The following PCOLCE2 variants were observed in gnomAD, a reference collection of about 807,000 sequenced individuals.
PCOLCE2 encodes procollagen C-proteinase enhancer 2.
PCOLCE2 carries 42 observed loss-of-function variants against 47.0 expected under a neutral mutation model. The ratio of observed to expected loss-of-function variants is 0.89; its 90% CI spans 0.70 to 1.16. The LOEUF (loss-of-function observed/expected upper bound fraction) is 1.16. Ranked by LOEUF, PCOLCE2 falls within the 50% of genes most tolerant of loss-of-function variation. The pLI is 0.00. For missense variants in PCOLCE2, 500 were observed against 526.1 expected (o/e 0.95, Z 0.49); for synonymous variants, 169 against 191.7 (o/e 0.88, Z 0.98).
At chr3:142,872,130 T>C (rs879441404) in intron 2 of PCOLCE2, among the ~76,000 whole-genome samples, 2 of 152,180 alleles carry the variant, frequency 1.3e-5, no homozygotes, top group Non-Finnish European at 2.9e-5. Context: ...TCTCTTTCTC[T>C]GTGAGGTCAC....
rs1937275604 is a variant in PCOLCE2 at position 142,842,557 on chromosome 3, G to A, written c.573+367C>T. On this transcript the variant is annotated intron_variant, in intron 4 of 8. Coordinates refer to ENST00000295992, the MANE Select transcript of PCOLCE2 (RefSeq NM_013363.4). The surrounding 1 kb of genome is among the most constrained non-coding windows in gnomAD (Gnocchi z 4.1). ...GTTTGAGACCAGCCTGACCAACATGGAGAAACTCTGTCTCTACTAAAAAAA... is the reference window on the plus strand; with the variant it reads ...GTTTGAGACCAGCCTGACCAACATGAAGAAACTCTGTCTCTACTAAAAAAA... Among the ~76,000 whole-genome samples, 2 of 152,000 alleles carry A rather than the reference G, an allele frequency of 1.3e-5. No homozygotes were observed. Among genetic ancestry groups the A allele is most frequent in the South Asian group, 4.2e-4 (2 of 4,812 alleles).
At chr3:142,840,160 C>T (rs1937250642) in intron 4 of PCOLCE2, among the ~76,000 whole-genome samples, 1 of 152,152 alleles carries the variant, frequency 6.6e-6, no homozygotes, top group African/African-American at 2.4e-5. Flanking sequence ...CGTGCACGGC[C>T]TAATCAGGGT....
At chr3:142,854,244 C>T (rs1403016823) in intron 2 of PCOLCE2, among the ~76,000 whole-genome samples, 4 of 152,056 alleles carry the variant, frequency 2.6e-5, no homozygotes, top group Non-Finnish European at 2.9e-5. Flanking sequence ...TAATCTTCTA[C>T]GATTTCCCTC....
At chr3:142,819,752 C>T (rs905172191) in intron 8 of PCOLCE2, among the ~76,000 whole-genome samples, 9 of 152,082 alleles carry the variant, frequency 5.9e-5, no homozygotes, top group Non-Finnish European at 7.4e-5. Context: ...TTCAAGGCAT[C>T]CTCTTGCTTC....
In PCOLCE2 at chr3:142,827,455, G is replaced by A. The variant is rs181429826; in HGVS notation, c.865+2237C>T. On this transcript the variant is annotated intron_variant, in intron 6 of 8. Transcript: ENST00000295992. Reference sequence around the variant, plus strand: ...GGGTCTTCTTGGTCTCAGGGTTGTGGGAGATAGCAGTGGCATAGTTCCCTG... The same window carrying A: ...GGGTCTTCTTGGTCTCAGGGTTGTGAGAGATAGCAGTGGCATAGTTCCCTG... 27 of 1,550,670 alleles carry A rather than the reference G, an allele frequency of 1.7e-5. No homozygotes were observed. The Admixed American group carries it at 4.4e-4, about 25-fold the overall frequency.
At chr3:142,827,432 G>T in intron 6 of PCOLCE2, 1 of 1,561,010 alleles carries the variant, frequency 6.4e-7, no homozygotes, top group Non-Finnish European at 8.8e-7. Flanking sequence ...CTTCACACGG[G>T]TCTTCTTGGT....
At chr3:142,819,831 G>A (rs1017294903) in intron 8 of PCOLCE2, among the ~76,000 whole-genome samples, 2 of 152,064 alleles carry the variant, frequency 1.3e-5, no homozygotes, top group East Asian at 1.9e-4. Flanking sequence ...ATTTTTAGTA[G>A]AGCAGAGGTC....
At chr3:142,858,222 G>A (rs1439068994) in intron 2 of PCOLCE2, among the ~76,000 whole-genome samples, 3 of 152,170 alleles carry the variant, frequency 2.0e-5, no homozygotes, top group Non-Finnish European at 4.4e-5. Flanking sequence ...TGTCTGCAGT[G>A]TGCACCTGGC....
At chr3:142,853,895 C>T (rs1352879280) in intron 2 of PCOLCE2, among the ~76,000 whole-genome samples, 1 of 152,164 alleles carries the variant, frequency 6.6e-6, no homozygotes, top group Non-Finnish European at 1.5e-5. Flanking sequence ...AGCAAAGTCC[C>T]GTGTGGGCCA....
At chr3:142,838,960 C>T in intron 4 of PCOLCE2, 54 bp from the exon 5 acceptor site, 2 of 1,391,058 alleles carry the variant, frequency 1.4e-6, no homozygotes, top group Middle Eastern at 1.8e-4. Context: ...GTTGAATAAC[C>T]TCAAATGGAA....
chr3:142,871,046 C>T (rs981085885), intron 2 of PCOLCE2, among the ~76,000 whole-genome samples: 9 of 152,202 alleles, frequency 5.9e-5, no homozygotes, highest in Non-Finnish European at 1.2e-4. Context: ...CCCTGGCCTC[C>T]GCTGCCAAAG....
intron 7 of PCOLCE2, 51 bp from the exon 8 acceptor site, chr3:142,821,096 C>G: frequency 1.4e-6 from 2 of 1,408,230 alleles, no homozygotes; most frequent in Non-Finnish European, 2.0e-6. Context: ...CAAATGCAAG[C>G]AGAACTGAAA....
At chr3:142,848,532 T>C (rs923849800) in intron 2 of PCOLCE2, 60 bp from the exon 3 acceptor site, 4 of 1,385,800 alleles carry the variant, frequency 2.9e-6, no homozygotes, top group Non-Finnish European at 4.0e-6. Flanking sequence ...GGCTTTGACA[T>C]CTAGTCACTT....
chr3:142,828,391 T>C (rs140106401), intron 6 of PCOLCE2, among the ~76,000 whole-genome samples: 131 of 152,322 alleles, frequency 8.6e-4, no homozygotes, highest in African/African-American at 3.1e-3. Context: ...AAAAGTTCAG[T>C]TCCTCAATAT....
intron 2 of PCOLCE2, among the ~76,000 whole-genome samples, chr3:142,871,975 C>T (rs1933397644): frequency 6.6e-6 from 1 of 152,166 alleles, no homozygotes; most frequent in Admixed American, 6.5e-5. Flanking sequence ...GATCCACTCT[C>T]CTCCCATCTT....
At chr3:142,823,670 C>A (rs751928511) in intron 6 of PCOLCE2, 55 bp from the exon 7 acceptor site, 13 of 994,756 alleles carry the variant, frequency 1.3e-5, no homozygotes, top group Admixed American at 1.9e-5. Flanking sequence ...CATAATTGGT[C>A]TTTAGTTCTG....
intron 2 of PCOLCE2, among the ~76,000 whole-genome samples, chr3:142,878,605 A>C (rs553057284): frequency 4.6e-5 from 7 of 152,304 alleles, no homozygotes; most frequent in Admixed American, 3.9e-4. Context: ...GTGGGAAAAG[A>C]AATCCCACTT....
Position 142,889,012 on chromosome 3 carries a change from G to GCTGGCTCACACCA in PCOLCE2, c.-117_-116insTGGTGTGAGCCAG. 1 of 447,924 alleles carries GCTGGCTCACACCA rather than the reference G, an allele frequency of 2.2e-6. No individual in the cohort carries two copies. 27.7% of individuals were successfully genotyped at this position (447,924 alleles called of 1,614,324 possible). On this transcript the variant is annotated 5_prime_UTR_variant, in exon 1 of 9. Coordinates refer to ENST00000295992, the MANE Select transcript of PCOLCE2 (RefSeq NM_013363.4). ...ACTGGCAGCAGCGCTGGCTCACACC[G>GCTGGCTCACACCA]GCGCTCGGCTGCCCGCGCGCTCCCT...
At chr3:142,857,494 C>T (rs1313404432) in intron 2 of PCOLCE2, among the ~76,000 whole-genome samples, 1 of 152,164 alleles carries the variant, frequency 6.6e-6, no homozygotes, top group Non-Finnish European at 1.5e-5. Context: ...CTACCAAGCC[C>T]ATCCTAGATT....
Sources: gnomAD v4.1 joint callset for allele counts (sites outside exome capture counted in the v4.1 genomes callset) on GRCh38, gnomAD v4.1.1 for gene constraint, Gnocchi (gnomAD v3.1) non-coding constraint, MANE v1.5 for transcripts, NCBI Gene and HGNC (gene_info 2026-07-23, HGNC 2026-07-21) for gene names.